ZNF628: variants seen among roughly 807,000 people sequenced by gnomAD.
ZNF628 encodes zinc finger protein 628, also known as zinc finger protein Zec.
ZNF628 carries 3 observed loss-of-function variants against 2.5 expected under a neutral mutation model. That is an observed-to-expected ratio of 1.19 (90% confidence interval 0.54 to 3.07). The LOEUF (loss-of-function observed/expected upper bound fraction) is 3.07. ZNF628 is among the 30% of genes most tolerant of loss of function. ZNF628 has a pLI of 0.03. For synonymous variants in ZNF628, 861 were observed against 717.1 expected (o/e 1.20, Z -3.21); for missense variants, 1,610 against 1,517.1 (o/e 1.06, Z -1.02).
In ZNF628 at chr19:55,483,267, G is replaced by A. The variant is rs1271588409; in HGVS notation, c.2074G>A (p.Val692Met). The A allele has an allele frequency of 6.6e-7, 1 of 1,523,074 alleles. No homozygotes were observed. The highest frequency in any genetic ancestry group is 8.8e-7 in the Non-Finnish European group (1 of 1,139,662). 94.3% of individuals were successfully genotyped at this position (1,523,074 alleles called of 1,614,324 possible). A position where few individuals can be genotyped will look rare whatever the true frequency, so the allele number is the denominator to read the frequency against. Reference sequence around the variant, plus strand: ...CCTCCAGGCCACGCTCTCCCTCGAGGTGGCGGGGGGCACGGCCCAGGCCCC... The same window carrying A: ...CCTCCAGGCCACGCTCTCCCTCGAGATGGCGGGGGGCACGGCCCAGGCCCC... ...PHLQATLSLEVAGGTAQAPSL... is the reference protein window; with the variant it reads ...PHLQATLSLEMAGGTAQAPSL... Residue 692 changes from valine to methionine, a missense_variant, in exon 3 of 3, where the codon GTG becomes ATG. Physicochemically the swap from Val to Met is conservative, Grantham distance 21. Transcript: ENST00000598519.
Position 55,479,889 on chromosome 19 carries a change from G to A in ZNF628, c.-22G>A, listed in dbSNP as rs2123409307. The A allele has an allele frequency of 1.5e-5, 6 of 401,304 alleles. No individual in the cohort carries two copies. In the East Asian group the frequency reaches 2.1e-4, roughly 14 times the overall value. The allele number at this position is 401,304 out of a possible 1,614,324, so 24.9% of individuals were successfully genotyped here. ...AGAACAGGAGGGGAGAGGAGGGGCT[G>A]GAGGTTTCAGGAGAAAGAAGCATGT... On this transcript the variant is annotated 5_prime_UTR_variant, in exon 2 of 3. Coordinates refer to ENST00000598519, the MANE Select transcript of ZNF628 (RefSeq NM_033113.3). This position sits in a 1 kb window ranked among gnomAD's most constrained non-coding sequence, Gnocchi z 5.1.
rs564046056 is a variant in ZNF628, at chr19:55,481,197, C to G, written c.8-4C>G. On this transcript the variant is annotated splice_polypyrimidine_tract_variant and splice_region_variant and intron_variant, in intron 2 of 2. Coordinates refer to ENST00000598519, the MANE Select transcript of ZNF628 (RefSeq NM_033113.3). Reference sequence around the variant, plus strand: ...GAGCCGCTGACCCAGAATCCCTCCCCCAGGTGTGATGGTCGGCTCCCACGC... The same window carrying G: ...GAGCCGCTGACCCAGAATCCCTCCCGCAGGTGTGATGGTCGGCTCCCACGC... 4 of 1,532,242 alleles carry G rather than the reference C, an allele frequency of 2.6e-6. No homozygotes were observed. The African/African-American group carries it at 5.5e-5, about 21-fold the overall frequency. 94.9% of individuals were successfully genotyped at this position (1,532,242 alleles called of 1,614,324 possible). A position where few individuals can be genotyped will look rare whatever the true frequency, so the allele number is the denominator to read the frequency against.
intron 1 of ZNF628, among the ~76,000 whole-genome samples, chr19:55,477,990 G>A (rs1483259436): frequency 6.6e-6 from 1 of 152,146 alleles, no homozygotes. Context: ...ATATAGTAGC[G>A]GTTCTCATCT....
chr19:55,483,751 C>T lies in ZNF628; in HGVS notation c.2558C>T (p.Thr853Met), dbSNP rs151142470. 97 of 1,612,936 alleles carry T rather than the reference C, an allele frequency of 6.0e-5. No homozygotes were observed. The highest frequency in any genetic ancestry group is 7.5e-5 in the Non-Finnish European group (89 of 1,179,346). Residue 853 changes from threonine (T) to methionine (M), a missense_variant, in exon 3 of 3, where the codon ACG (threonine) becomes ATG (methionine). Around this residue, in one of 5 missense-constraint regions of ZNF628, gnomAD observed 712 missense variants for 603.6 expected, o/e 1.18. Transcript: ENST00000598519. ...CTCCAGCCAGCACAGGAAGTAACCA[C>T]GGTCCAGCTCCAGCCAGCACAGGAG... ...VQLQPAQEVT[T>M]VQLQPAQEVT...
In ZNF628 at chr19:55,481,896, G is replaced by A. The variant is rs1414027736; in HGVS notation, c.703G>A (p.Ala235Thr). ...CGGCGCCGCCCCCGCCCCGGGTACC[G>A]CCTCCGCGGCCCCGCCCCCCCAGTC... ...THGAAPAPGT[A>T]SAAPPPQSRE... The change falls in exon 3 of 3, where the codon GCC becomes ACC. Residue 235 changes from alanine (A) to threonine (T), a missense_variant. Coordinates refer to ENST00000598519, the MANE Select transcript of ZNF628 (RefSeq NM_033113.3). 1 of 1,489,392 alleles carries A rather than the reference G, an allele frequency of 6.7e-7. No individual in the cohort carries two copies. Among genetic ancestry groups the A allele is most frequent in the Non-Finnish European group, 8.9e-7 (1 of 1,124,092 alleles). The allele number at this position is 1,489,392 out of a possible 1,614,324, so 92.3% of individuals were successfully genotyped here. A position where few individuals can be genotyped will look rare whatever the true frequency, so the allele number is the denominator to read the frequency against.
chr19:55,482,556 A>G lies in ZNF628; in HGVS notation c.1363A>G (p.Lys455Glu). 3 of 1,563,292 alleles carry G rather than the reference A, an allele frequency of 1.9e-6. No individual in the cohort carries two copies. Among genetic ancestry groups the G allele is most frequent in the Non-Finnish European group, 2.6e-6 (3 of 1,156,350 alleles). ...CCCCGCTTCTGCGGAGCGGCCCTAC[A>G]AATGTGCCGAGTGCGGCAAGTCCTT... ...SAPASAERPY[K>E]CAECGKSFKG... Residue 455 changes from lysine to glutamate, a missense_variant, in exon 3 of 3, where the codon AAA becomes GAA. Transcript: ENST00000598519.
rs988572983 is a variant in ZNF628 at position 55,483,277 on chromosome 19, G to A, written c.2084G>A (p.Gly695Asp). 1 of 1,517,916 alleles carries A rather than the reference G, an allele frequency of 6.6e-7. No individual in the cohort carries two copies. The highest frequency in any genetic ancestry group is 8.8e-7 in the Non-Finnish European group (1 of 1,137,186). 94.0% of individuals were successfully genotyped at this position (1,517,916 alleles called of 1,614,324 possible). ...ACGCTCTCCCTCGAGGTGGCGGGGG[G>A]CACGGCCCAGGCCCCGAGCTTGGGG... ...QATLSLEVAG[G>D]TAQAPSLGPA... Residue 695 changes from glycine (G) to aspartate (D), a missense_variant, in exon 3 of 3, where the codon GGC becomes GAC. Physicochemically the swap from Gly to Asp is moderately conservative, Grantham distance 94. Around this residue, in one of 5 missense-constraint regions of ZNF628, gnomAD observed 712 missense variants for 603.6 expected, o/e 1.18. Transcript: ENST00000598519.
At chr19:55,478,572 G>A (rs1986619606) in intron 1 of ZNF628, among the ~76,000 whole-genome samples, 1 of 152,244 alleles carries the variant, frequency 6.6e-6, no homozygotes, top group African/African-American at 2.4e-5. Context: ...AGATTTCTGA[G>A]TACAGGAATG....
Position 55,483,999 on chromosome 19 carries a change from G to C in ZNF628, c.2806G>C (p.Val936Leu). 1 of 1,586,512 alleles carries C rather than the reference G, an allele frequency of 6.3e-7. No individual in the cohort carries two copies. Among genetic ancestry groups the C allele is most frequent in the Non-Finnish European group, 8.6e-7 (1 of 1,165,134 alleles). Residue 936 changes from valine (V) to leucine (L), a missense_variant, in exon 3 of 3, where the codon GTG becomes CTG. By Grantham distance (32) the Val-to-Leu change is conservative. This residue lies in a region of ZNF628 where 712 missense variants were observed against 603.6 expected (regional missense o/e 1.18). Coordinates refer to ENST00000598519, the MANE Select transcript of ZNF628 (RefSeq NM_033113.3). ...TLQTDEGLQS[V>L]LVLSGADGEQ... ...CCAGACGGACGAGGGCTTGCAGAGCGTGCTGGTGCTGAGCGGGGCCGATGG... is the reference window on the plus strand; with the variant it reads ...CCAGACGGACGAGGGCTTGCAGAGCCTGCTGGTGCTGAGCGGGGCCGATGG...
At position 55,483,575 on chromosome 19, in the gene ZNF628, G is replaced by T; in HGVS notation, c.2382G>T (p.Gly794=). 1 of 1,608,214 alleles carries T rather than the reference G, an allele frequency of 6.2e-7. No homozygotes were observed. Among genetic ancestry groups the T allele is most frequent in the African/African-American group, 1.3e-5 (1 of 74,988 alleles). Residue 794 remains glycine (G), a synonymous_variant, in exon 3 of 3, where the codon GGG becomes GGT. Coordinates refer to ENST00000598519, the MANE Select transcript of ZNF628 (RefSeq NM_033113.3). ...GAGCGGCCAGCGCTGGGGCCAGCGGGACAGGGCAGAGCCTCATCGTTCTGC... is the reference window on the plus strand; with the variant it reads ...GAGCGGCCAGCGCTGGGGCCAGCGGTACAGGGCAGAGCCTCATCGTTCTGC... ...VQGAASAGAS[G]TGQSLIVLQN... is the part of the protein sequence containing the mutation.
In ZNF628 at chr19:55,481,435, A is replaced by AC; in HGVS notation, c.244dup (p.His82ProfsTer31). The AC allele has an allele frequency of 1.2e-6, 2 of 1,610,968 alleles. No individual in the cohort carries two copies. The highest frequency in any genetic ancestry group is 1.7e-6 in the Non-Finnish European group (2 of 1,179,212). The stretch of plus-strand genomic sequence containing the variant: ...TTCAAAGGCTCCTCGGCCCTGCTCT[A>AC]CCACCAGCGAGGCCACACGGGCGAG... On this transcript the variant is annotated frameshift_variant, in exon 3 of 3. Transcript: ENST00000598519. LOFTEE classifies it low-confidence loss of function (END_TRUNC).
chr19:55,480,282 A>G (rs1028806384), intron 2 of ZNF628, among the ~76,000 whole-genome samples: 21 of 125,696 alleles, frequency 1.7e-4, no homozygotes, highest in African/African-American at 6.0e-4. Context: ...GTCTCTCTCT[A>G]TGGCCCAGGC....
Position 55,484,317 on chromosome 19 carries a change from C to A in ZNF628, c.3124C>A (p.Pro1042Thr). 2.0e-6 allele frequency: 3 copies of A among 1,492,542 alleles called. No homozygotes were observed. The highest frequency in any genetic ancestry group is 1.8e-6 in the Non-Finnish European group (2 of 1,119,994). 92.5% of individuals were successfully genotyped at this position (1,492,542 alleles called of 1,614,324 possible). The change falls in exon 3 of 3, where the codon CCC becomes ACC. Residue 1042 changes from proline (P) to threonine (T), a missense_variant. Physicochemically the swap from Pro to Thr is conservative, Grantham distance 38. This residue lies in a region of ZNF628 where 712 missense variants were observed against 603.6 expected (regional missense o/e 1.18). Coordinates refer to ENST00000598519, the MANE Select transcript of ZNF628 (RefSeq NM_033113.3). ...GPGVMTPQGL[P>T]SIQIVQTLPA... ...TGGTGTTATGACCCCTCAGGGCCTG[C>A]CCTCCATCCAGATTGTCCAGACTCT... is the stretch of plus-strand genomic sequence containing the variant.
chr19:55,479,214 A>G lies in ZNF628; in HGVS notation c.-77-620A>G, dbSNP rs772923240. ...ACGGAGGGCAGTGAGGGAGCGAGGT[A>G]TCCCGGAGGCCAGGGGGAGGCGGGC... On this transcript the variant is annotated intron_variant, in intron 1 of 2. Transcript: ENST00000598519. This position sits in a 1 kb window ranked among gnomAD's most constrained non-coding sequence, Gnocchi z 5.1. Among the ~76,000 whole-genome samples the G allele has an allele frequency of 3.3e-5, 5 of 152,128 alleles. No homozygotes were observed. The highest frequency in any genetic ancestry group is 5.9e-5 in the Non-Finnish European group (4 of 68,012).
In ZNF628 at chr19:55,484,404, A is replaced by C. The variant is rs765660038; in HGVS notation, c.*31A>C. The C allele has an allele frequency of 3.9e-5, 56 of 1,428,416 alleles. No homozygotes were observed. The South Asian group carries it at 5.9e-4, about 15-fold the overall frequency. 88.5% of individuals were successfully genotyped at this position (1,428,416 alleles called of 1,614,324 possible). A position where few individuals can be genotyped will look rare whatever the true frequency, so the allele number is the denominator to read the frequency against. On this transcript the variant is annotated 3_prime_UTR_variant, in exon 3 of 3. Coordinates refer to ENST00000598519, the MANE Select transcript of ZNF628 (RefSeq NM_033113.3). ...GGCAGTGATTCCCCTCCCGCCCCGC[A>C]CAGAGACCCCGACTCACTGCCAGCC...
At position 55,481,940 on chromosome 19, in the gene ZNF628, C is replaced by G; in HGVS notation, c.747C>G (p.Val249=). Residue 249 remains valine (V), a synonymous_variant, in exon 3 of 3, where the codon GTC becomes GTG. Transcript: ENST00000598519. ...CCCAGTCCCGGGAGCCCGGCAAGGT[C>G]TTCGTGTGCGACGCCTACCTGCAGC... ...PPPQSREPGK[V]FVCDAYLQRH... is the part of the protein sequence containing the mutation. 1 of 1,476,922 alleles carries G rather than the reference C, an allele frequency of 6.8e-7. No individual in the cohort carries two copies. Among genetic ancestry groups the G allele is most frequent in the Non-Finnish European group, 8.9e-7 (1 of 1,120,376 alleles). 91.5% of individuals were successfully genotyped at this position (1,476,922 alleles called of 1,614,324 possible). A position where few individuals can be genotyped will look rare whatever the true frequency, so the allele number is the denominator to read the frequency against.
rs1986786443 is a variant in ZNF628 at position 55,483,125 on chromosome 19, CGCCCCG to C, written c.1936_1941del (p.Pro646_Ala647del). 1 of 1,592,784 alleles carries C rather than the reference CGCCCCG, an allele frequency of 6.3e-7. No homozygotes were observed. Among genetic ancestry groups the C allele is most frequent in the African/African-American group, 1.3e-5 (1 of 74,664 alleles). ...ATCTGCAGCGGCACCTGAGGACGCA[CGCCCCG>C]GCCAACACGCCTCCCAGCACCACAG... On this transcript the variant is annotated inframe_deletion, in exon 3 of 3. Transcript: ENST00000598519.
chr19:55,477,244 A>T (rs1986576088), intron 1 of ZNF628, among the ~76,000 whole-genome samples: 2 of 151,586 alleles, frequency 1.3e-5, no homozygotes, highest in African/African-American at 2.4e-5. Flanking sequence ...TTTAAAGGGG[A>T]TGTCTTCTTG....
chr19:55,484,382 A>G lies in ZNF628; in HGVS notation c.*9A>G. 1 of 1,441,648 alleles carries G rather than the reference A, an allele frequency of 6.9e-7. No individual in the cohort carries two copies. The highest frequency in any genetic ancestry group is 9.1e-7 in the Non-Finnish European group (1 of 1,094,392). The allele number at this position is 1,441,648 out of a possible 1,614,324, so 89.3% of individuals were successfully genotyped here. A position where few individuals can be genotyped will look rare whatever the true frequency, so the allele number is the denominator to read the frequency against. The stretch of plus-strand genomic sequence containing the variant: ...TGGTGCACACGTTTTGAGGAGAGGC[A>G]GTGATTCCCCTCCCGCCCCGCACAG... On this transcript the variant is annotated 3_prime_UTR_variant, in exon 3 of 3. Coordinates refer to ENST00000598519, the MANE Select transcript of ZNF628 (RefSeq NM_033113.3).
Sources: gnomAD v4.1 joint callset for allele counts (sites outside exome capture counted in the v4.1 genomes callset) on GRCh38, gnomAD v4.1.1 for gene constraint, gnomAD v4.1.1 regional missense constraint, Gnocchi (gnomAD v3.1) non-coding constraint, MANE v1.5 for transcripts, NCBI Gene and HGNC (gene_info 2026-07-23, HGNC 2026-07-21) for gene names.